SGCE: variants seen among roughly 807,000 people sequenced by gnomAD.
SGCE encodes epsilon-sarcoglycan.
SGCE carries 26 observed loss-of-function variants against 57.8 expected under a neutral mutation model. That is an observed-to-expected ratio of 0.45 (90% CI 0.33 to 0.62). The LOEUF (loss-of-function observed/expected upper bound fraction) is 0.62, where lower values mean the gene tolerates loss of function less well. Ranked by LOEUF, SGCE falls within the 20% of genes least tolerant of loss-of-function variation. SGCE has a pLI of 0.02. For missense variants in SGCE, 468 were observed against 548.6 expected, an observed-to-expected ratio of 0.85 and a Z score of 1.47; for synonymous variants, 183 against 189.5, an observed-to-expected ratio of 0.97 and a Z score of 0.28.
At chr7:94,602,414 GCTCT>G (rs755818980) in intron 6 of SGCE, among the ~76,000 whole-genome samples, 22 of 152,066 alleles carry the variant, frequency 1.4e-4, no homozygotes, top group Non-Finnish European at 3.1e-4. Context: ...GATGCAGCTG[GCTCT>G]CTAAGACATG....
intron 5 of SGCE, among the ~76,000 whole-genome samples, chr7:94,605,731 CTA>C (rs1438584016): frequency 2.0e-5 from 3 of 151,726 alleles, no homozygotes; most frequent in African/African-American, 7.3e-5. Flanking sequence ...TCAATGAAAA[CTA>C]TAAAAAGTGG....
At chr7:94,618,995 A>T (rs1454627773) in intron 4 of SGCE, 39 bp from the exon 5 acceptor site, 1 of 1,363,782 alleles carries the variant, frequency 7.3e-7, no homozygotes, top group South Asian at 1.2e-5. Flanking sequence ...TCTTTAATGA[A>T]GTAGTCTTTT....
At chr7:94,628,406 C>A in intron 2 of SGCE, 47 bp from the exon 3 acceptor site, 1 of 1,494,790 alleles carries the variant, frequency 6.7e-7, no homozygotes, top group Non-Finnish European at 9.3e-7. Context: ...TATTTTCACA[C>A]ATGTTGCTTT....
intron 7 of SGCE, chr7:94,600,080 A>T (rs1302573593): frequency 1.4e-4 from 30 of 217,538 alleles, no homozygotes; most frequent in Non-Finnish European, 9.1e-6. Context: ...ACTTCCAGAT[A>T]ATCTTGGGAG....
intron 1 of SGCE, among the ~76,000 whole-genome samples, chr7:94,655,099 C>T (rs1229007397): frequency 1.3e-5 from 2 of 152,154 alleles, no homozygotes; most frequent in Non-Finnish European, 2.9e-5. Flanking sequence ...CTCGGCAACC[C>T]GCTGGAAAGG....
At chr7:94,643,364 A>G (rs1029572791) in intron 1 of SGCE, among the ~76,000 whole-genome samples, 2 of 152,346 alleles carry the variant, frequency 1.3e-5, no homozygotes, top group African/African-American at 4.8e-5. Flanking sequence ...AGGATTCAAA[A>G]AGCAAATTGA....
intron 1 of SGCE, among the ~76,000 whole-genome samples, chr7:94,648,376 C>CAAAAAAAAAAAAAAAAAAAAA (rs71123907): frequency 5.1e-4 from 33 of 65,078 alleles, no homozygotes; most frequent in South Asian, 1.5e-3. Flanking sequence ...ACTCTGTCTC[C>CAAAAAAAAAAAAAAAAAAAAA]AAAAAAAAAA....
intron 5 of SGCE, among the ~76,000 whole-genome samples, chr7:94,613,080 C>A (rs909236759): frequency 2.1e-4 from 32 of 152,124 alleles, no homozygotes; most frequent in African/African-American, 7.7e-4. Flanking sequence ...AGCCTACTGG[C>A]TAAATGAATG....
chr7:94,586,079 A>C (rs945344286), intron 10 of SGCE, among the ~76,000 whole-genome samples: 1 of 150,466 alleles, frequency 6.6e-6, no homozygotes, highest in Non-Finnish European at 1.5e-5. Context: ...AAAAAAAAAA[A>C]AAAAAAAACA....
chr7:94,655,581 C>G (rs892057143), intron 1 of SGCE, among the ~76,000 whole-genome samples: 1 of 152,200 alleles, frequency 6.6e-6, no homozygotes, highest in Non-Finnish European at 1.5e-5. Flanking sequence ...TCCTTTGGCT[C>G]GCATCGCGGT....
chr7:94,649,936 C>T (rs1005248085), intron 1 of SGCE, among the ~76,000 whole-genome samples: 2 of 152,146 alleles, frequency 1.3e-5, no homozygotes, highest in Non-Finnish European at 2.9e-5. Flanking sequence ...TTTGTAGAAT[C>T]CGAAACTACT....
intron 7 of SGCE, 53 bp from the exon 8 acceptor site, chr7:94,599,776 A>T: frequency 8.2e-7 from 1 of 1,223,904 alleles, no homozygotes; most frequent in South Asian, 1.2e-5. Context: ...TATTTGGAAC[A>T]TTAAGACTAT....
rs184591117 is a variant in SGCE at position 94,587,290 on chromosome 7, T to C, written c.1297+1399A>G. 7 of 990,370 alleles carry C rather than the reference T, an allele frequency of 7.1e-6. No individual in the cohort carries two copies. The East Asian group carries it at 6.5e-4, about 93-fold the overall frequency. 61.3% of individuals were successfully genotyped at this position (990,370 alleles called of 1,614,324 possible). On this transcript the variant is annotated intron_variant, in intron 10 of 10. Transcript: ENST00000648936. ...AACAAATTGCCCTAATATCATCTAC[T>C]CAAGTTTCCTAATTCCCCTAGTGGG...
chr7:94,608,292 T>C (rs1584578175), intron 5 of SGCE, among the ~76,000 whole-genome samples: 1 of 152,136 alleles, frequency 6.6e-6, no homozygotes, highest in South Asian at 2.1e-4. Flanking sequence ...GCCGAGATTG[T>C]GCCACTGCAC....
chr7:94,599,741 T>G lies in SGCE; in HGVS notation c.1038-18A>C, dbSNP rs779693236. 1 of 1,528,900 alleles carries G rather than the reference T, an allele frequency of 6.5e-7. No homozygotes were observed. The highest frequency in any genetic ancestry group is 9.1e-7 in the Non-Finnish European group (1 of 1,103,390). The allele number at this position is 1,528,900 out of a possible 1,614,324, so 94.7% of individuals were successfully genotyped here. The stretch of plus-strand genomic sequence containing the variant: ...TCTTTTCCCTAGAAACAAAACAAAA[T>G]TTATGAATTAAATAATAGCATTGAT... On this transcript the variant is annotated intron_variant, in intron 7 of 10. Transcript: ENST00000648936.
At chr7:94,624,975 C>T (rs745467634) in intron 3 of SGCE, 1 of 150,802 alleles carries the variant, frequency 6.6e-6, no homozygotes, top group African/African-American at 2.5e-5. Flanking sequence ...TTAATTTTAA[C>T]AGCTATAACA....
At chr7:94,642,767 A>G (rs766611822) in intron 1 of SGCE, among the ~76,000 whole-genome samples, 9 of 152,214 alleles carry the variant, frequency 5.9e-5, no homozygotes, top group Non-Finnish European at 1.0e-4. Flanking sequence ...CAGGTGGCCA[A>G]ATTCTTCTCT....
intron 5 of SGCE, chr7:94,618,318 G>A (rs1052427871): frequency 1.2e-5 from 2 of 165,050 alleles, no homozygotes; most frequent in African/African-American, 4.8e-5. Context: ...ACAGGAATGG[G>A]TTTCAAATCC....
chr7:94,639,308 C>T (rs777024869), intron 1 of SGCE: 17 of 1,313,906 alleles, frequency 1.3e-5, no homozygotes, highest in Non-Finnish European at 3.2e-6. Context: ...ATTGGCTCCC[C>T]CAAAGGGATT....
Sources: gnomAD v4.1 joint callset for allele counts (sites outside exome capture counted in the v4.1 genomes callset) on GRCh38, gnomAD v4.1.1 for gene constraint, MANE v1.5 for transcripts, NCBI Gene and HGNC (gene_info 2026-07-23, HGNC 2026-07-21) for gene names.